The following MED12L variants were observed in gnomAD, a reference collection of about 807,000 sequenced individuals.
The protein encoded by MED12L is mediator complex subunit 12L.
MED12L carries 60 observed loss-of-function variants against 281.3 expected under a neutral mutation model. The observed-to-expected ratio is 0.21, with a 90% CI of 0.17 to 0.26. The LOEUF is 0.26. MED12L is among the 10% of genes least tolerant of loss of function. The probability of loss-of-function intolerance (pLI) is 1.00; values close to 1 mark genes in which losing one functional copy is unlikely to be tolerated. For synonymous variants in MED12L, 974 were observed against 987.2 expected (o/e 0.99, Z 0.25); for missense variants, 2,146 against 2,680.9 (o/e 0.80, Z 4.41).
intron 16 of MED12L, among the ~76,000 whole-genome samples, chr3:151,263,088 G>T (rs534662489): frequency 6.6e-6 from 1 of 152,248 alleles, no homozygotes; most frequent in South Asian, 2.1e-4. Flanking sequence ...GGAGTACATG[G>T]GGTTGACGAG....
intron 16 of MED12L, chr3:151,202,981 A>T (rs1365792902): frequency 6.7e-6 from 1 of 150,342 alleles, no homozygotes; most frequent in African/African-American, 2.5e-5. Flanking sequence ...AGAGTTTAAA[A>T]ATTGATGCTT....
At chr3:151,127,153 G>A (rs1283912597) in intron 4 of MED12L, among the ~76,000 whole-genome samples, 1 of 152,080 alleles carries the variant, frequency 6.6e-6, no homozygotes. Flanking sequence ...GTGTACATTG[G>A]GATACTAATT....
chr3:151,304,561 C>T (rs549727311), intron 16 of MED12L, among the ~76,000 whole-genome samples: 2 of 149,642 alleles, frequency 1.3e-5, no homozygotes, highest in East Asian at 3.9e-4. Context: ...CAGAGTGAGA[C>T]TGTCTCAAAA....
At position 151,378,126 on chromosome 3, in the gene MED12L, C is replaced by G. The variant is rs1283996144; in HGVS notation, c.4431C>G (p.His1477Gln). 1.2e-6 allele frequency: 2 copies of G among 1,611,558 alleles called. No homozygotes were observed. Among genetic ancestry groups the G allele is most frequent in the Non-Finnish European group, 1.7e-6 (2 of 1,178,446 alleles). ...AAGEELEKGQ[H>Q]LGSSSKKERD... ...GGGAAGAGCTGGAGAAGGGACAGCA[C>G]TTGGGTTCTTCTTCCAAAAAGGAAA... The change falls in exon 31 of 45, where the codon CAC becomes CAG. Residue 1477 changes from histidine (H) to glutamine (Q), a missense_variant. Physicochemically the swap from His to Gln is conservative, Grantham distance 24. This residue lies in a region of MED12L where 212 missense variants were observed against 340.8 expected (regional missense o/e 0.62). Coordinates refer to ENST00000687756, the MANE Select transcript of MED12L (RefSeq NM_001393769.1).
At position 151,385,133 on chromosome 3, in the gene MED12L, C is replaced by T; in HGVS notation, c.5030C>T (p.Ser1677Phe). ...CDVITCEPMG[S>F]LIDTKGNKIA... is the part of the protein sequence containing the mutation. ...GTCATCACTTGTGAACCTATGGGTT[C>T]CTTGATTGACACAAAAGGAAACAAA... Residue 1677 changes from serine (S) to phenylalanine (F), a missense_variant, in exon 36 of 45, where the codon TCC (serine) becomes TTC (phenylalanine). Around this residue, in one of 9 missense-constraint regions of MED12L, gnomAD observed 212 missense variants for 340.8 expected, o/e 0.62. Coordinates refer to ENST00000687756, the MANE Select transcript of MED12L (RefSeq NM_001393769.1). The T allele has an allele frequency of 6.2e-7, 1 of 1,608,744 alleles. No individual in the cohort carries two copies. The highest frequency in any genetic ancestry group is 8.5e-7 in the Non-Finnish European group (1 of 1,177,764).
intron 11 of MED12L, among the ~76,000 whole-genome samples, chr3:151,179,557 T>A (rs1362722444): frequency 6.6e-6 from 1 of 151,898 alleles, no homozygotes; most frequent in Non-Finnish European, 1.5e-5. Context: ...GAGGATGGGG[T>A]ACTGTAATTA....
chr3:151,157,236 ATTTTT>A (rs981395536), intron 6 of MED12L, among the ~76,000 whole-genome samples: 30 of 146,914 alleles, frequency 2.0e-4, no homozygotes, highest in African/African-American at 7.0e-4. Context: ...TGAAATTAGA[ATTTTT>A]TTTTTTTTAA....
chr3:151,419,091 G>T (rs1717957185), intron 43 of MED12L, among the ~76,000 whole-genome samples: 1 of 152,188 alleles, frequency 6.6e-6, no homozygotes, highest in African/African-American at 2.4e-5. Context: ...GTAAACCACT[G>T]TTGCCCTATT....
At chr3:151,195,337 A>T (rs1724509909) in intron 16 of MED12L, among the ~76,000 whole-genome samples, 1 of 151,930 alleles carries the variant, frequency 6.6e-6, no homozygotes, top group South Asian at 2.1e-4. Context: ...TTTTTTTCTT[A>T]TTACAGTTAA....
intron 8 of MED12L, 65 bp from the exon 9 acceptor site, chr3:151,163,828 T>TCGGTG: frequency 6.7e-7 from 1 of 1,498,288 alleles, no homozygotes; most frequent in Non-Finnish European, 9.1e-7. Flanking sequence ...TCGTTTTTAC[T>TCGGTG]GTTTAGCTAT....
chr3:151,332,731 T>C lies in MED12L; in HGVS notation c.2251-17328T>C, dbSNP rs549468554. Among the ~76,000 whole-genome samples, 241 of 142,240 alleles carry C rather than the reference T, an allele frequency of 1.7e-3. 1 individual carries two copies. The highest frequency in any genetic ancestry group is 5.7e-3 in the African/African-American group (223 of 38,922). The allele number at this position is 142,240 out of a possible 152,430, so 93.3% of individuals were successfully genotyped here. On this transcript the variant is annotated intron_variant, in intron 16 of 44. Transcript: ENST00000687756. ...TCATTCCATGTTAGTACATGTAGAC[T>C]GACGTGATTTTTTTTTTAACTTTAT...
At chr3:151,175,010 A>C (rs1721873668) in intron 11 of MED12L, among the ~76,000 whole-genome samples, 1 of 152,208 alleles carries the variant, frequency 6.6e-6, no homozygotes, top group Admixed American at 6.5e-5. Context: ...TATATGTATA[A>C]AGATTATAAA....
In MED12L at chr3:151,384,344, CTATT is replaced by C. The variant is rs1041738575; in HGVS notation, c.4926+128_4926+131del. The C allele has an allele frequency of 4.0e-6, 4 of 1,004,596 alleles. No individual in the cohort carries two copies. In the Admixed American group the frequency reaches 8.7e-5, roughly 22 times the overall value. 62.2% of individuals were successfully genotyped at this position (1,004,596 alleles called of 1,614,324 possible). A position where few individuals can be genotyped will look rare whatever the true frequency, so the allele number is the denominator to read the frequency against. ...CAACTTAATTTAATGTGATTATTTG[CTATT>C]TGTTTCACCTAACCTTATTAGTACC... On this transcript the variant is annotated intron_variant, in intron 35 of 44. Coordinates refer to ENST00000687756, the MANE Select transcript of MED12L (RefSeq NM_001393769.1).
intron 2 of MED12L, among the ~76,000 whole-genome samples, chr3:151,095,299 G>C (rs1270706059): frequency 2.0e-5 from 3 of 152,088 alleles, no homozygotes; most frequent in Admixed American, 6.6e-5. Context: ...TTTACACCAA[G>C]GAAATTGGCA....
At chr3:151,108,175 G>A (rs1340326857) in intron 2 of MED12L, among the ~76,000 whole-genome samples, 2 of 133,090 alleles carry the variant, frequency 1.5e-5, no homozygotes, top group African/African-American at 5.5e-5. Context: ...GGACAGGAGT[G>A]AAATGTGTGC....
intron 16 of MED12L, chr3:151,329,386 G>T: frequency 2.8e-6 from 2 of 709,582 alleles, no homozygotes; most frequent in South Asian, 1.9e-5. Flanking sequence ...ATAAACTATG[G>T]TTTGTAGAAT....
chr3:151,192,493 G>C (rs927579500), intron 14 of MED12L, 57 bp from the exon 15 acceptor site: 1 of 1,242,058 alleles, frequency 8.1e-7, no homozygotes, highest in Non-Finnish European at 1.1e-6. Flanking sequence ...TTTAGCTTCA[G>C]TTTCTTGATG....
chr3:151,361,978 A>G (rs1754664511), intron 21 of MED12L, among the ~76,000 whole-genome samples: 1 of 152,144 alleles, frequency 6.6e-6, no homozygotes, highest in African/African-American at 2.4e-5. Context: ...GTAGAAGGTA[A>G]TAGCTAAGAA....
intron 21 of MED12L, 129 bp downstream of exon 21, chr3:151,360,734 A>G: frequency 1.3e-6 from 1 of 793,194 alleles, no homozygotes; most frequent in Non-Finnish European, 2.0e-6. Flanking sequence ...AGTAATTTTG[A>G]TATACTCATG....
Sources: gnomAD v4.1 joint callset for allele counts (sites outside exome capture counted in the v4.1 genomes callset) on GRCh38, gnomAD v4.1.1 for gene constraint, gnomAD v4.1.1 regional missense constraint, MANE v1.5 for transcripts, NCBI Gene and HGNC (gene_info 2026-07-23, HGNC 2026-07-21) for gene names.